Variants in PPP2R2B observed in about 807,000 individuals in gnomAD.
The protein encoded by PPP2R2B is protein phosphatase 2 regulatory subunit Bbeta, also known as serine/threonine-protein phosphatase 2A 55 kDa regulatory subunit B beta isoform.
Under a neutral mutation model 46.0 loss-of-function variants are expected in PPP2R2B, and 5 were observed. The observed-to-expected ratio is 0.11, with a 90% confidence interval of 0.06 to 0.23. The LOEUF (loss-of-function observed/expected upper bound fraction) is 0.23, where lower values mean the gene tolerates loss of function less well. Ranked by LOEUF, PPP2R2B falls within the 10% of genes least tolerant of loss-of-function variation. PPP2R2B has a pLI of 1.00. For missense variants in PPP2R2B, 367 were observed against 575.0 expected, an observed-to-expected ratio of 0.64 and a Z score of 3.70; for synonymous variants, 215 against 206.7, an observed-to-expected ratio of 1.04 and a Z score of -0.34.
intron 1 of PPP2R2B, among the ~76,000 whole-genome samples, chr5:146,933,241 A>AT (rs889924379): frequency 3.9e-5 from 6 of 151,918 alleles, no homozygotes; most frequent in East Asian, 3.9e-4. Context: ...ATTTCCTAAG[A>AT]TTTTTTTTCA....
intron 1 of PPP2R2B, among the ~76,000 whole-genome samples, chr5:146,912,753 C>A (rs138257589): frequency 6.6e-6 from 1 of 152,038 alleles, no homozygotes; most frequent in Admixed American, 6.5e-5. Context: ...GTGATCCGCT[C>A]GCTTCGGCCT....
rs182583899 is a variant in PPP2R2B, at chr5:146,897,663, C to T, written c.79+158002G>A. On this transcript the variant is annotated intron_variant, in intron 1 of 8. Transcript: ENST00000336640. Reference sequence around the variant, plus strand: ...AGAACAAGATAAACAAATATAAAAACATATACTGGAGACAACAGGGATACT... The same window carrying T: ...AGAACAAGATAAACAAATATAAAAATATATACTGGAGACAACAGGGATACT... 3.3e-5 allele frequency among the ~76,000 whole-genome samples: 5 copies of T among 152,160 alleles called. No individual in the cohort carries two copies. In the East Asian group the frequency reaches 9.6e-4, roughly 29 times the overall value.
At chr5:146,731,925 T>C (rs980072710) in intron 2 of PPP2R2B, among the ~76,000 whole-genome samples, 31 of 152,204 alleles carry the variant, frequency 2.0e-4, no homozygotes, top group African/African-American at 7.5e-4. Flanking sequence ...TTGTTAGCTA[T>C]AGCCTTTCTT....
chr5:147,062,507 T>C (rs1057335096), intron 2 of PPP2R2B, among the ~76,000 whole-genome samples: 13 of 152,196 alleles, frequency 8.5e-5, no homozygotes, highest in African/African-American at 3.1e-4. Context: ...ATCATTATTT[T>C]ATCTGTTTAT....
At chr5:147,042,959 G>A (rs747215310) in intron 1 of PPP2R2B, among the ~76,000 whole-genome samples, 1 of 152,118 alleles carries the variant, frequency 6.6e-6, no homozygotes, top group Non-Finnish European at 1.5e-5. Context: ...AGTCCAGTGT[G>A]GCTGGAGTGA....
rs140178257 is a variant in PPP2R2B at position 146,727,463 on chromosome 5, G to A, written c.71-26321C>T. 5.9e-3 allele frequency among the ~76,000 whole-genome samples: 902 copies of A among 152,146 alleles called. 14 individuals are homozygous for A. The highest frequency in any genetic ancestry group is 0.02 in the African/African-American group (848 of 41,518). On this transcript the variant is annotated intron_variant, in intron 2 of 9. Transcript: ENST00000394411. ...CCTCATATTTATCACTTTTTGTGGTGAGAATATTTTCAAATCTACTCTTTT... is the reference window on the plus strand; with the variant it reads ...CCTCATATTTATCACTTTTTGTGGTAAGAATATTTTCAAATCTACTCTTTT...
chr5:146,944,816 G>A lies in PPP2R2B; in HGVS notation c.79+110849C>T, dbSNP rs532495713. Among the ~76,000 whole-genome samples the A allele has an allele frequency of 8.0e-4, 121 of 152,078 alleles. 2 individuals carry two copies. Among genetic ancestry groups the A allele is most frequent in the African/African-American group, 2.8e-3 (117 of 41,494 alleles). ...AAAGAAATACTGTGATGAAAAAAGG[G>A]CATCTAGATAATAGGGAAGAAGAAA... is the stretch of plus-strand genomic sequence containing the variant. On this transcript the variant is annotated intron_variant, in intron 1 of 8. Transcript: ENST00000336640.
intron 1 of PPP2R2B, among the ~76,000 whole-genome samples, chr5:146,962,104 C>T (rs1752196971): frequency 6.9e-6 from 1 of 145,640 alleles, no homozygotes; most frequent in Non-Finnish European, 1.5e-5. Context: ...CCCATACTCC[C>T]ATCTAGTATG....
intron 7 of PPP2R2B, among the ~76,000 whole-genome samples, chr5:146,601,249 A>ATAAG (rs1331657300): frequency 5.9e-5 from 9 of 152,194 alleles, no homozygotes; most frequent in African/African-American, 2.2e-4. Flanking sequence ...TTATACATGT[A>ATAAG]TAAGTTTTTG....
intron 2 of PPP2R2B, among the ~76,000 whole-genome samples, chr5:146,804,440 T>C (rs1168667991): frequency 1.3e-5 from 2 of 152,090 alleles, no homozygotes; most frequent in Non-Finnish European, 2.9e-5. Context: ...TGTAGTTCTG[T>C]TGCCTGCCCT....
intron 1 of PPP2R2B, among the ~76,000 whole-genome samples, chr5:146,904,894 A>T (rs1762949781): frequency 6.6e-6 from 1 of 152,214 alleles, no homozygotes; most frequent in African/African-American, 2.4e-5. Context: ...GAGAAAACAT[A>T]TACAAAACAT....
upstream of PPP2R2B, among the ~76,000 whole-genome samples, chr5:147,056,901 G>T (rs1435065997): frequency 6.6e-6 from 1 of 152,136 alleles, no homozygotes; most frequent in Non-Finnish European, 1.5e-5. Flanking sequence ...ATAATGAAGA[G>T]AAAGAGTCAA....
chr5:146,984,631 T>A (rs1481657948), intron 1 of PPP2R2B, among the ~76,000 whole-genome samples: 1 of 152,226 alleles, frequency 6.6e-6, no homozygotes, highest in East Asian at 1.9e-4. Context: ...ATGGTAGTTC[T>A]GTTTTTAACT....
At chr5:146,593,630 A>T (rs1282708806) in intron 8 of PPP2R2B, among the ~76,000 whole-genome samples, 2 of 152,196 alleles carry the variant, frequency 1.3e-5, no homozygotes, top group African/African-American at 4.8e-5. Flanking sequence ...ATGAGGTAGC[A>T]CTGGAGCAGA....
rs774418279 is a variant in PPP2R2B, at chr5:146,650,627, T to C, written c.545A>G (p.Asn182Ser). 6.2e-7 allele frequency: 1 copy of C among 1,614,096 alleles called. No homozygotes were observed. Among genetic ancestry groups the C allele is most frequent in the South Asian group, 1.1e-5 (1 of 91,078 alleles). Residue 182 changes from asparagine to serine, a missense_variant, in exon 6 of 10, where the codon AAC (asparagine) becomes AGC (serine). Physicochemically the swap from Asn to Ser is conservative, Grantham distance 46. Transcript: ENST00000394411. ...GGACATGTAGGTTTCATAGTCGCTG[T>C]TGACAGATATGGAGTTGATGTGATA... is the stretch of plus-strand genomic sequence containing the variant. The part of the protein sequence containing the change: ...HTYHINSISV[N>S]SDYETYMSAD...
chr5:146,958,738 T>G (rs1300791935), intron 1 of PPP2R2B, among the ~76,000 whole-genome samples: 1 of 152,216 alleles, frequency 6.6e-6, no homozygotes, highest in Non-Finnish European at 1.5e-5. Flanking sequence ...TATAAATCAG[T>G]ATATGATACT....
At position 146,878,442 on chromosome 5, in the gene PPP2R2B, A is replaced by T; in HGVS notation, c.-125+149T>A. On this transcript the variant is annotated intron_variant, in intron 1 of 9. Coordinates refer to ENST00000394411, the MANE Select transcript of PPP2R2B (RefSeq NM_181675.4). The surrounding 1 kb of genome is among the most constrained non-coding windows in gnomAD (Gnocchi z 4.5). ...GGCGCTCACAAGCGGGTCTGGGGAGATGCCCAACAGGTTCCCCTCCTTGGC... is the reference window on the plus strand; with the variant it reads ...GGCGCTCACAAGCGGGTCTGGGGAGTTGCCCAACAGGTTCCCCTCCTTGGC... The T allele has an allele frequency of 7.4e-7, 1 of 1,359,530 alleles. No individual in the cohort carries two copies. The highest frequency in any genetic ancestry group is 9.5e-7 in the Non-Finnish European group (1 of 1,054,514). 84.2% of individuals were successfully genotyped at this position (1,359,530 alleles called of 1,614,324 possible).
intron 2 of PPP2R2B, among the ~76,000 whole-genome samples, chr5:146,706,204 T>C (rs1335262309): frequency 6.6e-6 from 1 of 152,184 alleles, no homozygotes; most frequent in East Asian, 1.9e-4. Flanking sequence ...CTGCCGCAGC[T>C]GTTCACTTGA....
chr5:146,910,750 TCTTA>T (rs1763149378), intron 1 of PPP2R2B, among the ~76,000 whole-genome samples: 2 of 152,206 alleles, frequency 1.3e-5, no homozygotes, highest in African/African-American at 2.4e-5. Context: ...TTCAGAAGTT[TCTTA>T]CTTTTTTAAG....
Sources: allele counts gnomAD v4.1 joint callset (sites outside exome capture counted in the v4.1 genomes callset), GRCh38; gene constraint gnomAD v4.1.1; non-coding constraint Gnocchi (gnomAD v3.1); transcripts MANE v1.5; gene names NCBI Gene and HGNC (gene_info 2026-07-23, HGNC 2026-07-21).